IL4R: variants seen among roughly 807,000 people sequenced by gnomAD.
IL4R encodes interleukin-4 receptor subunit alpha.
A neutral mutation model predicts 41.5 loss-of-function variants in IL4R; 17 were observed. That is an observed-to-expected ratio of 0.41 (90% CI 0.28 to 0.61). The LOEUF is 0.61. Among genes scored for constraint, IL4R ranks in the 20% least tolerant of loss-of-function variants. The probability of loss-of-function intolerance (pLI) is 0.31; values close to 1 mark genes in which losing one functional copy is unlikely to be tolerated. For missense variants in IL4R, 974 were observed against 1,043.1 expected (o/e 0.93, Z 0.91); for synonymous variants, 402 against 422.9 (o/e 0.95, Z 0.61).
At position 27,363,504 on chromosome 16, in the gene IL4R, TGCCACCTGTGCG is replaced by T; in HGVS notation, c.2161_2172del (p.Cys721_Leu724del). 1 of 1,614,130 alleles carries T rather than the reference TGCCACCTGTGCG, an allele frequency of 6.2e-7. No individual in the cohort carries two copies. Among genetic ancestry groups the T allele is most frequent in the East Asian group, 2.2e-5 (1 of 44,882 alleles). On this transcript the variant is annotated inframe_deletion, in exon 11 of 11. Coordinates refer to ENST00000395762, the MANE Select transcript of IL4R (RefSeq NM_000418.4). ...TGGCATTGTCTACTCAGCCCTTACC[TGCCACCTGTGCG>T]GCCACCTGAAACAGTGTCATGGCCA...
chr16:27,327,334 T>C (rs1331296647), intron 1 of IL4R, among the ~76,000 whole-genome samples: 1 of 151,920 alleles, frequency 6.6e-6, no homozygotes, highest in Non-Finnish European at 1.5e-5. Flanking sequence ...TGCCACCCGC[T>C]GTGGGTTCGG....
At chr16:27,343,457 G>A (rs920732648) in intron 4 of IL4R, among the ~76,000 whole-genome samples, 3 of 151,908 alleles carry the variant, frequency 2.0e-5, no homozygotes, top group Non-Finnish European at 4.4e-5. Context: ...ACAGAGTTTC[G>A]CTCTTGTTGC....
chr16:27,322,936 A>G (rs2084856311), intron 1 of IL4R, among the ~76,000 whole-genome samples: 1 of 152,188 alleles, frequency 6.6e-6, no homozygotes, highest in African/African-American at 2.4e-5. Flanking sequence ...ACGGTCTCCC[A>G]CCGAGTCAGG....
intron 4 of IL4R, among the ~76,000 whole-genome samples, chr16:27,343,647 C>T (rs973600133): frequency 1.4e-4 from 21 of 152,098 alleles, no homozygotes; most frequent in South Asian, 1.0e-3. Flanking sequence ...AAGCTGGTCT[C>T]GAACTCCTGA....
chr16:27,342,380 T>C (rs1339643159), intron 4 of IL4R, 121 bp downstream of exon 4: 12 of 1,229,976 alleles, frequency 9.8e-6, no homozygotes, highest in Non-Finnish European at 1.3e-5. Context: ...TGCTGCTGTT[T>C]ATATGGTGTT....
chr16:27,324,945 G>A lies in IL4R; in HGVS notation c.-151-5121G>A, dbSNP rs905472829. ...CCCCAGCCTGCTTTCCCCACCAAGC[G>A]CCACCAAGTCCCTGCTGCCTCCTCC... On this transcript the variant is annotated intron_variant, in intron 1 of 10. Coordinates refer to ENST00000395762, the MANE Select transcript of IL4R (RefSeq NM_000418.4). Among the ~76,000 whole-genome samples the A allele has an allele frequency of 1.4e-4, 21 of 151,876 alleles. 1 individual carries two copies. Among genetic ancestry groups the A allele is most frequent in the Admixed American group, 5.2e-4 (8 of 15,244 alleles).
intron 6 of IL4R, among the ~76,000 whole-genome samples, chr16:27,349,371 A>G (rs1265552580): frequency 3.3e-5 from 5 of 152,228 alleles, no homozygotes; most frequent in Admixed American, 2.0e-4. Context: ...GGAACTTACT[A>G]TAGAATTTTG....
At chr16:27,352,129 C>T (rs532254893) in intron 6 of IL4R, among the ~76,000 whole-genome samples, 1 of 152,296 alleles carries the variant, frequency 6.6e-6, no homozygotes, top group Non-Finnish European at 1.5e-5. Context: ...CTTATCACCA[C>T]AACCCTGCGG....
At chr16:27,349,375 A>G (rs1484290343) in intron 6 of IL4R, among the ~76,000 whole-genome samples, 1 of 152,116 alleles carries the variant, frequency 6.6e-6, no homozygotes, top group Non-Finnish European at 1.5e-5. Context: ...CTTACTATAG[A>G]ATTTTGGGGC....
Position 27,352,654 on chromosome 16 carries a change from A to G in IL4R, c.628A>G (p.Thr210Ala), listed in dbSNP as rs757951893. ...RVRAWAQCYN[T>A]TWSEWSPSTK... ...GAGGGCCTGGGCTCAGTGCTATAACACCACCTGGAGTGAGTGGAGCCCCAG... is the reference window on the plus strand; with the variant it reads ...GAGGGCCTGGGCTCAGTGCTATAACGCCACCTGGAGTGAGTGGAGCCCCAG... The change falls in exon 7 of 11, where the codon ACC becomes GCC. Residue 210 changes from threonine (T) to alanine (A), a missense_variant. Coordinates refer to ENST00000395762, the MANE Select transcript of IL4R (RefSeq NM_000418.4). 5.6e-6 allele frequency: 9 copies of G among 1,614,018 alleles called. No individual in the cohort carries two copies. Among genetic ancestry groups the G allele is most frequent in the Middle Eastern group, 3.3e-4 (2 of 6,084 alleles).
intron 2 of IL4R, among the ~76,000 whole-genome samples, 170 bp from the exon 3 acceptor site, chr16:27,340,016 C>T (rs548178931): frequency 1.9e-4 from 29 of 152,162 alleles, no homozygotes; most frequent in Admixed American, 1.8e-3. Flanking sequence ...GAGATTGCAC[C>T]ACTGCACTCC....
Position 27,345,693 on chromosome 16 carries a change from G to A in IL4R, c.361+673G>A, listed in dbSNP as rs146771727. On this transcript the variant is annotated intron_variant, in intron 5 of 10. Transcript: ENST00000395762. The surrounding 1 kb of genome is among the most constrained non-coding windows in gnomAD (Gnocchi z 4.5). ...GCTGTAAAAGCTGAAGTTTGAGGCC[G>A]GGTGTGGTGGTTCATGCCTATAATC... 7.1e-3 allele frequency: 1,121 copies of A among 157,426 alleles called. 18 individuals carry two copies. The highest frequency in any genetic ancestry group is 0.025 in the African/African-American group (1,043 of 41,614). The allele number at this position is 157,426 out of a possible 1,614,324, so 9.8% of individuals were successfully genotyped here.
chr16:27,339,342 A>G (rs1298133336), intron 2 of IL4R, among the ~76,000 whole-genome samples: 1 of 152,074 alleles, frequency 6.6e-6, no homozygotes, highest in East Asian at 1.9e-4. Flanking sequence ...TACCTGCTCT[A>G]AGGTATTTTT....
chr16:27,350,143 C>T (rs1013241966), intron 6 of IL4R, among the ~76,000 whole-genome samples: 1 of 152,200 alleles, frequency 6.6e-6, no homozygotes, highest in African/African-American at 2.4e-5. Context: ...CTCCCAAACA[C>T]CTGTCCTTCT....
chr16:27,345,740 C>G lies in IL4R; in HGVS notation c.361+720C>G. ...AATCCCAGCACTTTGGGAGGCCGAG[C>G]CCAGCGGATCACCGGAGGTCAGGAG... On this transcript the variant is annotated intron_variant, in intron 5 of 10. Coordinates refer to ENST00000395762, the MANE Select transcript of IL4R (RefSeq NM_000418.4). The surrounding 1 kb of genome is among the most constrained non-coding windows in gnomAD (Gnocchi z 4.5). 2 of 152,442 alleles carry G rather than the reference C, an allele frequency of 1.3e-5. No homozygotes were observed. Among genetic ancestry groups the G allele is most frequent in the Non-Finnish European group, 2.9e-5 (2 of 68,692 alleles). 9.4% of individuals were successfully genotyped at this position (152,442 alleles called of 1,614,324 possible).
intron 4 of IL4R, among the ~76,000 whole-genome samples, chr16:27,343,075 T>C (rs551808445): frequency 1.6e-4 from 25 of 152,324 alleles, no homozygotes; most frequent in African/African-American, 5.8e-4. Flanking sequence ...ACACATGGCA[T>C]AGGAGTCAGG....
chr16:27,316,658 A>G lies in IL4R; in HGVS notation c.-152+2638A>G, dbSNP rs80240427. Among the ~76,000 whole-genome samples the G allele has an allele frequency of 2.7e-3, 406 of 152,326 alleles. 3 individuals are homozygous for G. The highest frequency in any genetic ancestry group is 9.2e-3 in the African/African-American group (383 of 41,574). On this transcript the variant is annotated intron_variant, in intron 1 of 10. Coordinates refer to ENST00000395762, the MANE Select transcript of IL4R (RefSeq NM_000418.4). ...CACCCAGTGGGTCCACAATCAATGT[A>G]TATGTCTGTTGTTACCTGTCAAAAC...
intron 1 of IL4R, among the ~76,000 whole-genome samples, chr16:27,323,848 G>A (rs1036565493): frequency 7.2e-5 from 11 of 151,972 alleles, no homozygotes; most frequent in African/African-American, 2.2e-4. Flanking sequence ...TGGTAGAGAC[G>A]GGGTCTTGCC....
intron 4 of IL4R, among the ~76,000 whole-genome samples, chr16:27,343,317 A>G (rs2085504241): frequency 6.6e-6 from 1 of 152,250 alleles, no homozygotes; most frequent in African/African-American, 2.4e-5. Flanking sequence ...CGTGAGCCAA[A>G]TCCGGCCCAC....
Sources: gnomAD v4.1 joint callset for allele counts (sites outside exome capture counted in the v4.1 genomes callset) on GRCh38, gnomAD v4.1.1 for gene constraint, Gnocchi (gnomAD v3.1) non-coding constraint, MANE v1.5 for transcripts, NCBI Gene and HGNC (gene_info 2026-07-23, HGNC 2026-07-21) for gene names.